Variants in RPTOR observed in about 807,000 individuals in gnomAD.
The protein encoded by RPTOR is regulatory-associated protein of mTOR.
RPTOR carries 21 observed loss-of-function variants against 169.9 expected under a neutral mutation model. The observed-to-expected ratio is 0.12, with a 90% CI of 0.09 to 0.18. The LOEUF (loss-of-function observed/expected upper bound fraction) is 0.18, where lower values mean the gene tolerates loss of function less well. RPTOR is among the 10% of genes least tolerant of loss of function. The pLI, the probability that RPTOR is intolerant of heterozygous loss-of-function variation, is 1.00. For synonymous variants in RPTOR, 732 were observed against 753.2 expected (o/e 0.97, Z 0.46); for missense variants, 1,133 against 1,855.9 (o/e 0.61, Z 7.16).
chr17:80,583,196 T>TTTTTTTTTTTTTTG (rs1555717407), intron 1 of RPTOR, among the ~76,000 whole-genome samples: 1 of 137,450 alleles, frequency 7.3e-6, no homozygotes, highest in African/African-American at 2.7e-5. Context: ...TTTTTTTTTT[T>TTTTTTTTTTTTTTG]TTTTTTTTTT....
In RPTOR at chr17:80,803,245, C is replaced by T. The variant is rs1002890951; in HGVS notation, c.890+11736C>T. 2.0e-5 allele frequency: 3 copies of T among 152,266 alleles called. No homozygotes were observed. The highest frequency in any genetic ancestry group is 4.8e-5 in the African/African-American group (2 of 41,450). 9.4% of individuals were successfully genotyped at this position (152,266 alleles called of 1,614,324 possible). On this transcript the variant is annotated intron_variant, in intron 7 of 33. Transcript: ENST00000306801. The surrounding 1 kb of genome is among the most constrained non-coding windows in gnomAD (Gnocchi z 6.2). ...TTTTCCGGTGCTCATCACAGCCACC[C>T]GGCGAGCAGCCTCTGAGGCCATCTC... is the stretch of plus-strand genomic sequence containing the variant.
intron 7 of RPTOR, among the ~76,000 whole-genome samples, chr17:80,817,239 G>C (rs2067333411): frequency 6.6e-6 from 1 of 152,150 alleles, no homozygotes; most frequent in South Asian, 2.1e-4. Flanking sequence ...GCCAGTCTCT[G>C]GCCAAATTCA....
chr17:80,637,997 A>G lies in RPTOR; in HGVS notation c.266-5731A>G, dbSNP rs1368936827. ...ACAGATATTGATTAGGTGGAAACGT[A>G]TATGTTAAGCATAGTGCCATATACA... On this transcript the variant is annotated intron_variant, in intron 2 of 33. Transcript: ENST00000306801. Among the ~76,000 whole-genome samples the G allele has an allele frequency of 3.3e-5, 5 of 152,262 alleles. No individual in the cohort carries two copies. The East Asian group carries it at 9.6e-4, about 29-fold the overall frequency.
intron 3 of RPTOR, among the ~76,000 whole-genome samples, chr17:80,676,747 G>C (rs1354868448): frequency 1.3e-5 from 2 of 152,248 alleles, no homozygotes; most frequent in African/African-American, 2.4e-5. Context: ...GGTCCCCACT[G>C]CAGCAGAACC....
At chr17:80,608,713 TC>T (rs1289945066) in intron 1 of RPTOR, among the ~76,000 whole-genome samples, 2 of 152,056 alleles carry the variant, frequency 1.3e-5, no homozygotes, top group Non-Finnish European at 2.9e-5. Context: ...CGGGGCACTT[TC>T]CCCCCTTCTT....
chr17:80,862,320 C>G (rs1351292458), intron 13 of RPTOR, among the ~76,000 whole-genome samples: 1 of 152,120 alleles, frequency 6.6e-6, no homozygotes, highest in African/African-American at 2.4e-5. Context: ...CCTCGTCTAC[C>G]TCACCTGCCT....
rs567978354 is a variant in RPTOR, at chr17:80,680,494, G to A, written c.349-27347G>A. Among the ~76,000 whole-genome samples the A allele has an allele frequency of 7.2e-5, 11 of 152,246 alleles. No individual in the cohort carries two copies. The South Asian group carries it at 8.3e-4, about 11-fold the overall frequency. On this transcript the variant is annotated intron_variant, in intron 3 of 33. Transcript: ENST00000306801. ...ACTAAAAATACAAAATTAGCTGGGC[G>A]CAGTGGCAGGTGCCTGTAATTCCAG...
intron 20 of RPTOR, among the ~76,000 whole-genome samples, chr17:80,896,380 C>T (rs1299648294): frequency 4.9e-5 from 7 of 144,280 alleles, no homozygotes; most frequent in African/African-American, 7.7e-5. Flanking sequence ...ACACCCCACG[C>T]GGCCTCGCTG....
At chr17:80,953,855 C>T (rs2069214185) in intron 28 of RPTOR, among the ~76,000 whole-genome samples, 1 of 152,206 alleles carries the variant, frequency 6.6e-6, no homozygotes, top group Non-Finnish European at 1.5e-5. Context: ...TCACTGTGCT[C>T]ACAAGGCCTC....
intron 3 of RPTOR, among the ~76,000 whole-genome samples, chr17:80,692,717 C>A (rs968703734): frequency 1.3e-5 from 2 of 152,254 alleles, no homozygotes; most frequent in African/African-American, 4.8e-5. Flanking sequence ...CCTGCCTCAG[C>A]CTCCCAAAGT....
At chr17:80,654,580 A>G (rs2065666018) in intron 3 of RPTOR, among the ~76,000 whole-genome samples, 1 of 152,142 alleles carries the variant, frequency 6.6e-6, no homozygotes, top group African/African-American at 2.4e-5. Flanking sequence ...AACCGGGAGG[A>G]TTACCCATGG....
chr17:80,630,060 G>C lies in RPTOR; in HGVS notation c.265+4267G>C, dbSNP rs144023569. On this transcript the variant is annotated intron_variant, in intron 2 of 33. Transcript: ENST00000306801. Reference sequence around the variant, plus strand: ...TTGACTATTTTAGTTTCCATCTCTAGGGGAAATGCATATTGCCTGCCTTTC... The same window carrying C: ...TTGACTATTTTAGTTTCCATCTCTACGGGAAATGCATATTGCCTGCCTTTC... Among the ~76,000 whole-genome samples the C allele has an allele frequency of 6.4e-3, 963 of 149,798 alleles. 13 individuals are homozygous for C. Among genetic ancestry groups the C allele is most frequent in the African/African-American group, 0.022 (915 of 41,374 alleles).
intron 24 of RPTOR, among the ~76,000 whole-genome samples, chr17:80,929,581 G>A (rs1042071315): frequency 1.1e-4 from 17 of 152,224 alleles, no homozygotes; most frequent in Admixed American, 7.8e-4. Flanking sequence ...TCCGTTTGGC[G>A]GCTCCGCAGA....
chr17:80,699,520 G>C (rs1193985909), intron 3 of RPTOR, among the ~76,000 whole-genome samples: 1 of 134,512 alleles, frequency 7.4e-6, no homozygotes, highest in Non-Finnish European at 1.6e-5. Context: ...CCCTGGTGCA[G>C]TGATGGGGAG....
intron 3 of RPTOR, among the ~76,000 whole-genome samples, chr17:80,706,404 C>T (rs1166945536): frequency 6.6e-6 from 1 of 152,204 alleles, no homozygotes; most frequent in African/African-American, 2.4e-5. Context: ...GCCCGTTTTC[C>T]AGCATCCTGC....
At chr17:80,922,684 G>A (rs780863105) in intron 21 of RPTOR, 40 bp from the exon 22 acceptor site, 34 of 1,497,476 alleles carry the variant, frequency 2.3e-5, no homozygotes, top group Admixed American at 1.9e-4. Flanking sequence ...CGCGGAGCAC[G>A]TCCCGTCTGA....
chr17:80,952,686 T>C (rs972538137), intron 28 of RPTOR, among the ~76,000 whole-genome samples: 12 of 152,080 alleles, frequency 7.9e-5, no homozygotes, highest in African/African-American at 2.9e-4. Flanking sequence ...CTCGTGTCAC[T>C]GCTGTTCCCA....
chr17:80,840,552 C>T (rs1446662882), intron 10 of RPTOR, among the ~76,000 whole-genome samples: 2 of 141,666 alleles, frequency 1.4e-5, no homozygotes, highest in Non-Finnish European at 3.0e-5. Flanking sequence ...AGCTCACTCT[C>T]ACCGCACGGC....
intron 1 of RPTOR, among the ~76,000 whole-genome samples, chr17:80,604,928 T>C (rs533830580): frequency 2.3e-4 from 33 of 144,012 alleles, no homozygotes; most frequent in African/African-American, 5.9e-4. Context: ...TTTTTTTTTT[T>C]CCCCTTTTTT....
Sources: gnomAD v4.1 joint callset for allele counts (sites outside exome capture counted in the v4.1 genomes callset) on GRCh38, gnomAD v4.1.1 for gene constraint, Gnocchi (gnomAD v3.1) non-coding constraint, MANE v1.5 for transcripts, NCBI Gene and HGNC (gene_info 2026-07-23, HGNC 2026-07-21) for gene names.